Variants in KIF5C observed in about 807,000 individuals in gnomAD.
The protein encoded by KIF5C is kinesin heavy chain isoform 5C.
A neutral mutation model predicts 125.2 loss-of-function variants in KIF5C; 18 were observed. The observed-to-expected ratio is 0.14, with a 90% CI of 0.10 to 0.21. The LOEUF (loss-of-function observed/expected upper bound fraction) is 0.21. Ranked by LOEUF, KIF5C falls within the 10% of genes least tolerant of loss-of-function variation. KIF5C has a pLI of 1.00. For missense variants in KIF5C, 780 were observed against 1,183.8 expected, an observed-to-expected ratio of 0.66 and a Z score of 5.01; for synonymous variants, 405 against 434.0, an observed-to-expected ratio of 0.93 and a Z score of 0.83.
At chr2:148,944,290 A>G (rs1198244941) in intron 7 of KIF5C, among the ~76,000 whole-genome samples, 1 of 152,150 alleles carries the variant, frequency 6.6e-6, no homozygotes, top group Non-Finnish European at 1.5e-5. Flanking sequence ...ATCTTCTCCA[A>G]CCAAAACTCT....
chr2:148,946,799 A>G, intron 7 of KIF5C, 100 bp from the exon 8 acceptor site: 1 of 1,519,428 alleles, frequency 6.6e-7, no homozygotes, highest in South Asian at 1.3e-5. Flanking sequence ...CTTCAATGAA[A>G]TGGATCTATT....
intron 15 of KIF5C, among the ~76,000 whole-genome samples, chr2:148,989,460 G>A (rs998662007): frequency 2.0e-4 from 31 of 152,042 alleles, no homozygotes; most frequent in Non-Finnish European, 4.3e-4. Context: ...AAACATGCAC[G>A]TCTTTTTCAT....
At chr2:148,943,778 C>G (rs1459183188) in intron 7 of KIF5C, among the ~76,000 whole-genome samples, 8 of 152,276 alleles carry the variant, frequency 5.3e-5, no homozygotes, top group African/African-American at 1.7e-4. Flanking sequence ...CTCTTTAAGT[C>G]TCTTCTACCC....
chr2:148,935,087 G>A (rs552695325), intron 3 of KIF5C: 7 of 410,312 alleles, frequency 1.7e-5, no homozygotes, highest in African/African-American at 8.4e-5. Context: ...GTGGGGATGG[G>A]AGGCATTATT....
intron 15 of KIF5C, among the ~76,000 whole-genome samples, chr2:148,985,493 C>T (rs1368058279): frequency 6.6e-6 from 1 of 152,108 alleles, no homozygotes. Context: ...ATCAAATCTT[C>T]CTGCCAATAC....
rs1045803207 is a variant in KIF5C, at chr2:148,981,388, A to T, written c.1396A>T (p.Ile466Leu). 6.2e-7 allele frequency: 1 copy of T among 1,611,560 alleles called. No homozygotes were observed. The highest frequency in any genetic ancestry group is 8.5e-7 in the Non-Finnish European group (1 of 1,178,954). The change falls in exon 14 of 26, where the codon ATA becomes TTA. Residue 466 changes from isoleucine (I) to leucine (L), a missense_variant. Around this residue, in one of 2 missense-constraint regions of KIF5C, gnomAD observed 573 missense variants for 742.6 expected, o/e 0.77. Transcript: ENST00000435030. ...LASTRRDYEK[I>L]QEELTRLQIE... is the part of the protein sequence containing the mutation. The stretch of plus-strand genomic sequence containing the variant: ...TTCCACAAGAAGAGACTATGAGAAG[A>T]TACAGGAGGAGCTGACACGTCTCCA...
At chr2:149,007,869 G>T in intron 22 of KIF5C, 94 bp from the exon 23 acceptor site, 1 of 1,310,720 alleles carries the variant, frequency 7.6e-7, no homozygotes. Context: ...ACCCTTTGGT[G>T]GGAATGGGGA....
intron 2 of KIF5C, among the ~76,000 whole-genome samples, chr2:148,922,648 A>G (rs955725102): frequency 1.3e-5 from 2 of 152,174 alleles, no homozygotes; most frequent in African/African-American, 4.8e-5. Flanking sequence ...CCTTTTACTA[A>G]TATCTCTCAG....
chr2:149,015,729 T>G (rs1233067298), intron 25 of KIF5C, among the ~76,000 whole-genome samples: 3 of 152,210 alleles, frequency 2.0e-5, no homozygotes, highest in African/African-American at 7.2e-5. Context: ...GAGCTACATA[T>G]GGGGCAGTGC....
rs1681703922 is a variant in KIF5C at position 148,891,395 on chromosome 2, T to TTTA, written c.126+15661_126+15663dup. ...CTAAGGATTGCTTCTTCTTTTTTTTTTTATTATTATTTTTTTCCTATTCAC... is the reference window on the plus strand; with the variant it reads ...CTAAGGATTGCTTCTTCTTTTTTTTTTTATTATTATTATTTTTTTCCTATTCAC... On this transcript the variant is annotated intron_variant, in intron 1 of 25. Transcript: ENST00000435030. Among the ~76,000 whole-genome samples the TTTA allele has an allele frequency of 2.0e-5, 3 of 152,094 alleles. No homozygotes were observed. In the South Asian group the frequency reaches 6.2e-4, roughly 32 times the overall value.
At chr2:149,007,120 G>T (rs565656923) in intron 22 of KIF5C, among the ~76,000 whole-genome samples, 3 of 152,288 alleles carry the variant, frequency 2.0e-5, no homozygotes, top group African/African-American at 7.2e-5. Context: ...CTAGGGATGG[G>T]GCGTGGCAAT....
rs1235252627 is a variant in KIF5C, at chr2:149,010,227, C to T, written c.2643C>T (p.Ser881=). Residue 881 remains serine (S), a synonymous_variant, in exon 24 of 26, where the codon AGC becomes AGT. Transcript: ENST00000435030. The stretch of plus-strand genomic sequence containing the variant: ...CGGAGCGCGTCAAGGCTCTGGAGAG[C>T]GCGCTGAAGGAGGCCAAGGAGAACG... The part of the protein sequence containing the change: ...ATAERVKALE[S]ALKEAKENAM... The T allele has an allele frequency of 3.2e-6, 5 of 1,570,552 alleles. No individual in the cohort carries two copies. Among genetic ancestry groups the T allele is most frequent in the East Asian group, 4.8e-5 (2 of 41,922 alleles).
At position 148,940,719 on chromosome 2, in the gene KIF5C, A is replaced by G. The variant is rs80180067; in HGVS notation, c.397-891A>G. ...AGTTTATTGGGTAGGCAGACAGCAG[A>G]TGTAAACAGAGTACAGAATCCTAGA... On this transcript the variant is annotated intron_variant, in intron 4 of 25. Transcript: ENST00000435030. 6.9e-3 allele frequency among the ~76,000 whole-genome samples: 1,048 copies of G among 152,342 alleles called. 17 individuals are homozygous for G. Among genetic ancestry groups the G allele is most frequent in the Middle Eastern group, 0.065 (19 of 294 alleles).
intron 1 of KIF5C, among the ~76,000 whole-genome samples, chr2:148,894,703 AAT>A (rs147057942): frequency 0.041 from 6,012 of 147,100 alleles, 277 homozygotes; most frequent in African/African-American, 0.11. Context: ...AGTTTAGTAC[AAT>A]ATATATATAT....
At chr2:148,956,363 C>A (rs2105122561) in intron 10 of KIF5C, among the ~76,000 whole-genome samples, 1 of 152,248 alleles carries the variant, frequency 6.6e-6, no homozygotes, top group African/African-American at 2.4e-5. Context: ...TAGAATATAT[C>A]TAAGAGAATC....
chr2:148,998,252 G>A (rs1441173780), intron 18 of KIF5C, 148 bp from the exon 19 acceptor site: 4 of 1,328,610 alleles, frequency 3.0e-6, no homozygotes, highest in East Asian at 2.5e-5. Context: ...GCCGGGTCCT[G>A]GGGGCAAAAC....
chr2:149,026,454 T>A lies in KIF5C; in HGVS notation c.*3384T>A, dbSNP rs1558956550. 3 of 152,442 alleles carry A rather than the reference T, an allele frequency of 2.0e-5. No homozygotes were observed. Among genetic ancestry groups the A allele is most frequent in the East Asian group, 3.9e-4 (2 of 5,182 alleles). The allele number at this position is 152,442 out of a possible 1,614,324, so 9.4% of individuals were successfully genotyped here. A position where few individuals can be genotyped will look rare whatever the true frequency, so the allele number is the denominator to read the frequency against. On this transcript the variant is annotated 3_prime_UTR_variant, in exon 26 of 26. Transcript: ENST00000435030. ...AATTATACATGTCTAGTTTGTAAAG[T>A]GTGTCCTGTGTACTGCAGATGTGTG... is the stretch of plus-strand genomic sequence containing the variant.
rs373371249 is a variant in KIF5C at position 148,936,249 on chromosome 2, C to T, written c.292-1035C>T. Among the ~76,000 whole-genome samples, 61 of 152,352 alleles carry T rather than the reference C, an allele frequency of 4.0e-4. 1 individual carries two copies. The South Asian group carries it at 0.013, about 32-fold the overall frequency. On this transcript the variant is annotated intron_variant, in intron 3 of 25. Transcript: ENST00000435030. The stretch of plus-strand genomic sequence containing the variant: ...AGTCAGCTAAGACTGCACCACTGCA[C>T]TGCAGCCTGGGCAACAGAGTGAGAC...
At chr2:148,927,498 G>GTGTGTGTGTA (rs1682049537) in intron 2 of KIF5C, among the ~76,000 whole-genome samples, 1 of 152,100 alleles carries the variant, frequency 6.6e-6, no homozygotes, top group African/African-American at 2.4e-5. Flanking sequence ...GTGTGTGTGT[G>GTGTGTGTGTA]TGTGTGTGTG....
Sources: gnomAD v4.1 joint callset for allele counts (sites outside exome capture counted in the v4.1 genomes callset) on GRCh38, gnomAD v4.1.1 for gene constraint, gnomAD v4.1.1 regional missense constraint, MANE v1.5 for transcripts, NCBI Gene and HGNC (gene_info 2026-07-23, HGNC 2026-07-21) for gene names.